The following GRWD1 variants were observed in gnomAD, a reference collection of about 807,000 sequenced individuals.
GRWD1 encodes glutamate rich WD repeat containing 1.
A neutral mutation model predicts 45.3 loss-of-function variants in GRWD1; 29 were observed. That is an observed-to-expected ratio of 0.64 (90% CI 0.48 to 0.87). The LOEUF (loss-of-function observed/expected upper bound fraction) is 0.87, where lower values mean the gene tolerates loss of function less well. Among genes scored for constraint, GRWD1 ranks in the 40% least tolerant of loss-of-function variants. The probability of loss-of-function intolerance (pLI) is 0.00; values close to 1 mark genes in which losing one functional copy is unlikely to be tolerated. For missense variants in GRWD1, 592 were observed against 618.8 expected (o/e 0.96, Z 0.46); for synonymous variants, 262 against 257.6 (o/e 1.02, Z -0.16).
rs1971400549 is a variant in GRWD1 at position 48,446,260 on chromosome 19, C to T, written c.187+68C>T. 6 of 1,567,374 alleles carry T rather than the reference C, an allele frequency of 3.8e-6. 1 individual carries two copies. The South Asian group carries it at 6.8e-5, about 18-fold the overall frequency. On this transcript the variant is annotated intron_variant, in intron 1 of 6. Transcript: ENST00000253237. ...CCGAGCCTTTAACCTGAGAGGTGCTCGGGAAGAGAAGGCTGGGGTCTAAGA... is the reference window on the plus strand; with the variant it reads ...CCGAGCCTTTAACCTGAGAGGTGCTTGGGAAGAGAAGGCTGGGGTCTAAGA...
chr19:48,448,155 T>C (rs1310879527), intron 3 of GRWD1, among the ~76,000 whole-genome samples: 3 of 152,196 alleles, frequency 2.0e-5, no homozygotes, highest in Non-Finnish European at 4.4e-5. Context: ...CTCATTATGT[T>C]GGCCAGGCTG....
rs1319904202 is a variant in GRWD1 at position 48,450,655 on chromosome 19, C to G, written c.683-11C>G. On this transcript the variant is annotated splice_polypyrimidine_tract_variant and intron_variant, in intron 4 of 6. Transcript: ENST00000253237. The surrounding 1 kb of genome is among the most constrained non-coding windows in gnomAD (Gnocchi z 5.1). Reference sequence around the variant, plus strand: ...GGTGGGGCGAGGTCATTTCCTGACTCCCTTCCCCAGGTCGCCTGCTGACCG... The same window carrying G: ...GGTGGGGCGAGGTCATTTCCTGACTGCCTTCCCCAGGTCGCCTGCTGACCG... 6.2e-7 allele frequency: 1 copy of G among 1,613,100 alleles called. No individual in the cohort carries two copies. The highest frequency in any genetic ancestry group is 1.7e-5 in the Admixed American group (1 of 60,006).
chr19:48,449,070 A>G (rs1601003389), intron 3 of GRWD1, among the ~76,000 whole-genome samples: 1 of 152,204 alleles, frequency 6.6e-6, no homozygotes, highest in Non-Finnish European at 1.5e-5. Context: ...AGCAATAGAC[A>G]TCATGAGAAG....
At position 48,446,816 on chromosome 19, in the gene GRWD1, C is replaced by T. The variant is rs1420806977; in HGVS notation, c.441C>T (p.Pro147=). 1 of 1,613,828 alleles carries T rather than the reference C, an allele frequency of 6.2e-7. No homozygotes were observed. The highest frequency in any genetic ancestry group is 1.3e-5 in the African/African-American group (1 of 75,054). ...RKPQLELAMV[P]HYGGINRVRV... is the part of the protein sequence containing the mutation. ...CTCAGCTGGAGCTGGCCATGGTGCC[C>T]CACTATGGTGGCATCAACCGAGTTC... Residue 147 remains proline, a synonymous_variant, in exon 3 of 7, where the codon CCC becomes CCT. Transcript: ENST00000253237.
rs12327865 is a variant in GRWD1, at chr19:48,449,031, G to A, written c.469-1282G>A. ...CTGTGGGGAGACTTACGGTATTCAG[G>A]GGAAGGATGACATCAGTAGTAGTGT... On this transcript the variant is annotated intron_variant, in intron 3 of 6. Coordinates refer to ENST00000253237, the MANE Select transcript of GRWD1 (RefSeq NM_031485.4). 5.1e-3 allele frequency among the ~76,000 whole-genome samples: 773 copies of A among 152,254 alleles called. 8 individuals are homozygous for A. Among genetic ancestry groups the A allele is most frequent in the African/African-American group, 0.018 (744 of 41,538 alleles).
In GRWD1 at chr19:48,452,864, G is replaced by A. The variant is rs748857197; in HGVS notation, c.1180G>A (p.Val394Met). Residue 394 changes from valine to methionine, a missense_variant, in exon 7 of 7, where the codon GTG (valine) becomes ATG (methionine). By Grantham distance (21) the Val-to-Met change is conservative. Coordinates refer to ENST00000253237, the MANE Select transcript of GRWD1 (RefSeq NM_031485.4). This position sits in a 1 kb window ranked among gnomAD's most constrained non-coding sequence, Gnocchi z 5.1. ...GGAGCGGGACCCTGAGGCGGGCGAC[G>A]TGGAGGCCGACCCCGGACTGGCCGA... ...AVERDPEAGD[V>M]EADPGLADLP... 1.2e-5 allele frequency: 20 copies of A among 1,612,750 alleles called. No homozygotes were observed. Among genetic ancestry groups the A allele is most frequent in the East Asian group, 2.2e-5 (1 of 44,850 alleles).
chr19:48,454,287 TGCCCCCTAGTCGCTGTCTC>T lies in GRWD1; in HGVS notation c.*1265_*1283del. On this transcript the variant is annotated 3_prime_UTR_variant, in exon 7 of 7. Transcript: ENST00000253237. Reference sequence around the variant, plus strand: ...TCCCGTCCCCCACTGCCAGTCTCCCTGCCCCCTAGTCGCTGTCTCGCTCCTCCGCCGCTGTCTCCTGTCC... The same window carrying T: ...TCCCGTCCCCCACTGCCAGTCTCCCTGCTCCTCCGCCGCTGTCTCCTGTCC... 1 of 147,390 alleles carries T rather than the reference TGCCCCCTAGTCGCTGTCTC, an allele frequency of 6.8e-6. No homozygotes were observed. Among genetic ancestry groups the T allele is most frequent in the African/African-American group, 2.5e-5 (1 of 39,456 alleles). The allele number at this position is 147,390 out of a possible 1,614,324, so 9.1% of individuals were successfully genotyped here.
At position 48,451,099 on chromosome 19, in the gene GRWD1, G is replaced by C. The variant is rs1478930684; in HGVS notation, c.891G>C (p.Lys297Asn). ...GGGACATCCGGGCAGCCCCCAGCAA[G>C]GCCTGCATGCTCACCACAGCCACCG... is the stretch of plus-strand genomic sequence containing the variant. ...RIWDIRAAPS[K>N]ACMLTTATAH... The change falls in exon 6 of 7, where the codon AAG (lysine) becomes AAC (asparagine). Residue 297 changes from lysine (K) to asparagine (N), a missense_variant. By Grantham distance (94) the Lys-to-Asn change is moderately conservative. Coordinates refer to ENST00000253237, the MANE Select transcript of GRWD1 (RefSeq NM_031485.4). The C allele has an allele frequency of 6.2e-7, 1 of 1,614,020 alleles. No individual in the cohort carries two copies. The highest frequency in any genetic ancestry group is 2.2e-5 in the East Asian group (1 of 44,884).
In GRWD1 at chr19:48,453,002, A is replaced by G. The variant is rs955017360; in HGVS notation, c.1318A>G (p.Ile440Val). Reference protein sequence around the residue: ...LVSTALSGFTIFRTISV With the variant: ...LVSTALSGFTVFRTISV ...CAGCACGGCGCTGTCAGGCTTCACC[A>G]TCTTCCGCACCATCAGCGTCTGAGG... is the stretch of plus-strand genomic sequence containing the variant. The change falls in exon 7 of 7, where the codon ATC becomes GTC. Residue 440 changes from isoleucine (I) to valine (V), a missense_variant. Coordinates refer to ENST00000253237, the MANE Select transcript of GRWD1 (RefSeq NM_031485.4). The G allele has an allele frequency of 2.5e-6, 4 of 1,594,554 alleles. No homozygotes were observed. The highest frequency in any genetic ancestry group is 1.7e-4 in the Middle Eastern group (1 of 5,996).
intron 3 of GRWD1, 24 bp downstream of exon 3, chr19:48,446,867 C>T: frequency 6.2e-7 from 1 of 1,602,992 alleles, no homozygotes. Flanking sequence ...CAGGAGCCTG[C>T]TCTGCATACT....
In GRWD1 at chr19:48,456,377, G is replaced by C. The variant is rs535749701; in HGVS notation, c.*3352G>C. ...TGGGAGAACAGTCTCTAACATGCAG[G>C]GTTGTCAGGGGTGAGATAGAGTCAA... On this transcript the variant is annotated 3_prime_UTR_variant, in exon 7 of 7. Coordinates refer to ENST00000253237, the MANE Select transcript of GRWD1 (RefSeq NM_031485.4). 6.6e-6 allele frequency: 1 copy of C among 152,434 alleles called. No homozygotes were observed. The highest frequency in any genetic ancestry group is 1.9e-4 in the East Asian group (1 of 5,188). 9.4% of individuals were successfully genotyped at this position (152,434 alleles called of 1,614,324 possible).
chr19:48,448,520 G>T (rs1050344209), intron 3 of GRWD1, among the ~76,000 whole-genome samples: 1 of 152,212 alleles, frequency 6.6e-6, no homozygotes, highest in Admixed American at 6.5e-5. Flanking sequence ...ATGTCCAAAG[G>T]TGTTAACTAT....
Position 48,456,297 on chromosome 19 carries a change from T to TCCTGATGTTGACCTCCAGGCCGCCC in GRWD1, c.*3276_*3300dup, listed in dbSNP as rs1971539117. On this transcript the variant is annotated 3_prime_UTR_variant, in exon 7 of 7. Coordinates refer to ENST00000253237, the MANE Select transcript of GRWD1 (RefSeq NM_031485.4). ...GAGGGCTGCAGGTGTAGATGCTGCATCCTGATGTTGACCTCCAGGCCGCCC... is the reference window on the plus strand; with the variant it reads ...GAGGGCTGCAGGTGTAGATGCTGCATCCTGATGTTGACCTCCAGGCCGCCCCCTGATGTTGACCTCCAGGCCGCCC... 1 of 152,182 alleles carries TCCTGATGTTGACCTCCAGGCCGCCC rather than the reference T, an allele frequency of 6.6e-6. No individual in the cohort carries two copies. The allele number at this position is 152,182 out of a possible 1,614,324, so 9.4% of individuals were successfully genotyped here. A position where few individuals can be genotyped will look rare whatever the true frequency, so the allele number is the denominator to read the frequency against.
intron 1 of GRWD1, 70 bp from the exon 2 acceptor site, chr19:48,446,315 C>T (rs933787037): frequency 3.2e-6 from 5 of 1,559,466 alleles, no homozygotes; most frequent in African/African-American, 1.4e-5. Flanking sequence ...GGCGGTTGAT[C>T]CATGAGGGAG....
At position 48,452,096 on chromosome 19, in the gene GRWD1, T is replaced by C. The variant is rs1619040; in HGVS notation, c.1024-612T>C. Among the ~76,000 whole-genome samples, 125,470 of 147,352 alleles carry C rather than the reference T, an allele frequency of 0.85. 53,843 individuals are homozygous for C. Among genetic ancestry groups the C allele is most frequent in the Non-Finnish European group, 0.91 (60,344 of 66,630 alleles). On this transcript the variant is annotated intron_variant, in intron 6 of 6. Coordinates refer to ENST00000253237, the MANE Select transcript of GRWD1 (RefSeq NM_031485.4). The surrounding 1 kb of genome is among the most constrained non-coding windows in gnomAD (Gnocchi z 5.1). Reference sequence around the variant, plus strand: ...CCATGCCCTCCTTTTTTTCTTTTTTTTTTTTTTTTTCTTTTTTTTTGCGAT... The same window carrying C: ...CCATGCCCTCCTTTTTTTCTTTTTTCTTTTTTTTTTCTTTTTTTTTGCGAT...
In GRWD1 at chr19:48,450,254, T is replaced by C; in HGVS notation, c.469-59T>C. The C allele has an allele frequency of 7.3e-7, 1 of 1,369,690 alleles. No individual in the cohort carries two copies. The highest frequency in any genetic ancestry group is 1.4e-5 in the African/African-American group (1 of 69,834). 84.8% of individuals were successfully genotyped at this position (1,369,690 alleles called of 1,614,324 possible). ...TGGGATATGGGGAGCGTGGGGTCAG[T>C]GCCTTGATCCTCCTCTCCCCTCGCT... is the stretch of plus-strand genomic sequence containing the variant. On this transcript the variant is annotated intron_variant, in intron 3 of 6. Transcript: ENST00000253237. The surrounding 1 kb of genome is among the most constrained non-coding windows in gnomAD (Gnocchi z 5.1).
In GRWD1 at chr19:48,450,823, G is replaced by GGTTCTGGTCGTTTA. The variant is rs1971466416; in HGVS notation, c.825+22_825+35dup. 2 of 1,608,196 alleles carry GGTTCTGGTCGTTTA rather than the reference G, an allele frequency of 1.2e-6. No homozygotes were observed. The highest frequency in any genetic ancestry group is 1.7e-5 in the Admixed American group (1 of 59,166). On this transcript the variant is annotated intron_variant, in intron 5 of 6. Transcript: ENST00000253237. This position sits in a 1 kb window ranked among gnomAD's most constrained non-coding sequence, Gnocchi z 5.1. ...CTGAGAACACGGTGAGGGAGGGTGG[G>GGTTCTGGTCGTTTA]GTTCTGGTCGTTTAGTTCTGATGGA...
Position 48,452,842 on chromosome 19 carries a change from G to T in GRWD1, c.1158G>T (p.Glu386Asp). 6 of 1,613,638 alleles carry T rather than the reference G, an allele frequency of 3.7e-6. No homozygotes were observed. Among genetic ancestry groups the T allele is most frequent in the Non-Finnish European group, 5.1e-6 (6 of 1,179,880 alleles). Residue 386 changes from glutamate (E) to aspartate (D), a missense_variant, in exon 7 of 7, where the codon GAG (glutamate) becomes GAT (aspartate). Physicochemically the swap from Glu to Asp is conservative, Grantham distance 45. Coordinates refer to ENST00000253237, the MANE Select transcript of GRWD1 (RefSeq NM_031485.4). This position sits in a 1 kb window ranked among gnomAD's most constrained non-coding sequence, Gnocchi z 5.1. ...HQITQWDLAVERDPEAGDVEA... is the reference protein window; with the variant it reads ...HQITQWDLAVDRDPEAGDVEA... ...TCACACAGTGGGACCTGGCAGTGGA[G>T]CGGGACCCTGAGGCGGGCGACGTGG...
intron 3 of GRWD1, among the ~76,000 whole-genome samples, chr19:48,449,688 G>A (rs1300535035): frequency 6.6e-6 from 1 of 152,172 alleles, no homozygotes; most frequent in African/African-American, 2.4e-5. Context: ...AGATGTGATG[G>A]TGCTTACCCA....
Sources: allele counts gnomAD v4.1 joint callset (sites outside exome capture counted in the v4.1 genomes callset), GRCh38; gene constraint gnomAD v4.1.1; non-coding constraint Gnocchi (gnomAD v3.1); transcripts MANE v1.5; gene names NCBI Gene and HGNC (gene_info 2026-07-23, HGNC 2026-07-21).